The following POMK variants were observed in gnomAD, a reference collection of about 807,000 sequenced individuals.
POMK encodes Sugen kinase 196.
A neutral mutation model predicts 23.0 loss-of-function variants in POMK; 19 were observed. The observed-to-expected ratio is 0.83, with a 90% CI of 0.58 to 1.21. POMK has a LOEUF of 1.21. Ranked by LOEUF, POMK falls within the 50% of genes most tolerant of loss-of-function variation. The pLI, the probability that POMK is intolerant of heterozygous loss-of-function variation, is 0.00. For synonymous variants in POMK, 173 were observed against 171.6 expected, an observed-to-expected ratio of 1.01 and a Z score of -0.06; for missense variants, 410 against 431.3, an observed-to-expected ratio of 0.95 and a Z score of 0.44.
At chr8:43,103,433 G>A in intron 3 of POMK, 95 bp from the exon 4 acceptor site, 2 of 1,176,160 alleles carry the variant, frequency 1.7e-6, no homozygotes, top group Admixed American at 2.0e-5. Context: ...CAGCTTACAG[G>A]ACCCTTGAGT....
rs756014333 is a variant in POMK, at chr8:43,122,326, A to C, written c.502A>C (p.Lys168Gln). The change falls in exon 5 of 5, where the codon AAG becomes CAG. Residue 168 changes from lysine (K) to glutamine (Q), a missense_variant. Physicochemically the swap from Lys to Gln is moderately conservative, Grantham distance 53. Coordinates refer to ENST00000331373, the MANE Select transcript of POMK (RefSeq NM_032237.5). ...CCTGGAAGAAACACTAAACCTTTCA[A>C]AGTACCAAAATGTGAACACGTGGCA... is the stretch of plus-strand genomic sequence containing the variant. ...SNLEETLNLS[K>Q]YQNVNTWQHR... 10 of 1,614,188 alleles carry C rather than the reference A, an allele frequency of 6.2e-6. No homozygotes were observed. In the South Asian group the frequency reaches 1.1e-4, roughly 18 times the overall value.
At chr8:43,099,910 A>C (rs1342206515) in intron 2 of POMK, among the ~76,000 whole-genome samples, 2 of 152,168 alleles carry the variant, frequency 1.3e-5, no homozygotes, top group Non-Finnish European at 2.9e-5. Context: ...CAGGTGGTAC[A>C]TGTTTGGAGA....
At chr8:43,109,338 C>G (rs1811603204) in intron 4 of POMK, among the ~76,000 whole-genome samples, 1 of 152,122 alleles carries the variant, frequency 6.6e-6, no homozygotes, top group South Asian at 2.1e-4. Context: ...TCTCTCTCCC[C>G]TCCCCCTTTT....
intron 2 of POMK, among the ~76,000 whole-genome samples, chr8:43,100,662 G>A (rs1486406455): frequency 6.6e-6 from 1 of 151,982 alleles, no homozygotes; most frequent in Non-Finnish European, 1.5e-5. Context: ...GGTAGTTGGA[G>A]CCCAGTGCAT....
chr8:43,110,818 G>A (rs1475485853), intron 4 of POMK, among the ~76,000 whole-genome samples: 1 of 152,150 alleles, frequency 6.6e-6, no homozygotes, highest in Non-Finnish European at 1.5e-5. Context: ...GGAGGCTGAG[G>A]CAGGAGAATT....
intron 4 of POMK, among the ~76,000 whole-genome samples, chr8:43,112,705 T>C (rs1206313091): frequency 2.0e-5 from 3 of 152,208 alleles, no homozygotes; most frequent in African/African-American, 7.2e-5. Flanking sequence ...ATCAGACTAA[T>C]AGCGGATCTC....
At chr8:43,102,227 A>G (rs922065366) in intron 2 of POMK, among the ~76,000 whole-genome samples, 3 of 152,182 alleles carry the variant, frequency 2.0e-5, no homozygotes, top group Admixed American at 6.5e-5. Context: ...TCCAGCACCC[A>G]CTGCAGGGCT....
At chr8:43,111,845 C>A (rs1162944819) in intron 4 of POMK, among the ~76,000 whole-genome samples, 2 of 152,200 alleles carry the variant, frequency 1.3e-5, no homozygotes, top group African/African-American at 4.8e-5. Flanking sequence ...CTCCAACAAA[C>A]CTGCAGCTGA....
chr8:43,117,731 T>C (rs1251278442), intron 4 of POMK, among the ~76,000 whole-genome samples: 1 of 152,202 alleles, frequency 6.6e-6, no homozygotes, highest in Non-Finnish European at 1.5e-5. Flanking sequence ...AAGAGTAAGG[T>C]ATTTTCATCC....
At chr8:43,103,870 T>C (rs1227057168) in intron 4 of POMK, 40 bp downstream of exon 4, 2 of 1,599,776 alleles carry the variant, frequency 1.3e-6, no homozygotes, top group Middle Eastern at 1.7e-4. Context: ...CATCCTGTTA[T>C]TTCGCTTAAC....
chr8:43,114,125 C>T (rs1001297831), intron 4 of POMK, among the ~76,000 whole-genome samples: 3 of 152,232 alleles, frequency 2.0e-5, no homozygotes, highest in Non-Finnish European at 4.4e-5. Flanking sequence ...GGGAGAACCA[C>T]TGCTCTCTTC....
At chr8:43,100,880 G>A (rs1038357254) in intron 2 of POMK, among the ~76,000 whole-genome samples, 10 of 152,020 alleles carry the variant, frequency 6.6e-5, no homozygotes, top group African/African-American at 1.9e-4. Context: ...CCCTGAGCAC[G>A]AGGACACTCT....
intron 3 of POMK, 88 bp from the exon 4 acceptor site, chr8:43,103,440 G>C (rs1386282560): frequency 5.5e-6 from 7 of 1,263,394 alleles, no homozygotes; most frequent in Admixed American, 1.9e-5. Flanking sequence ...CAGGACCCTT[G>C]AGTAGAAGAG....
At chr8:43,105,645 C>T (rs1182379982) in intron 4 of POMK, among the ~76,000 whole-genome samples, 1 of 152,068 alleles carries the variant, frequency 6.6e-6, no homozygotes, top group Non-Finnish European at 1.5e-5. Flanking sequence ...CAATAAACAT[C>T]GGGATGCACA....
At position 43,093,544 on chromosome 8, in the gene POMK, C is replaced by T. The variant is rs949295374; in HGVS notation, c.-229C>T. 1.3e-5 allele frequency: 2 copies of T among 152,506 alleles called. No homozygotes were observed. The highest frequency in any genetic ancestry group is 4.8e-5 in the African/African-American group (2 of 41,460). The allele number at this position is 152,506 out of a possible 1,614,324, so 9.4% of individuals were successfully genotyped here. ...CGTGCTGGCCCGGGGTGGCAGGAGC[C>T]GCAGAGGCTTGGGCTGCAGGTAGGT... On this transcript the variant is annotated 5_prime_UTR_variant, in exon 1 of 5. Transcript: ENST00000331373.
intron 4 of POMK, among the ~76,000 whole-genome samples, chr8:43,121,706 T>C (rs1811919495): frequency 6.6e-6 from 1 of 152,212 alleles, no homozygotes; most frequent in South Asian, 2.1e-4. Context: ...ACTGGCAGTC[T>C]ACTTGCCACT....
chr8:43,115,904 T>C (rs1470627022), intron 4 of POMK, among the ~76,000 whole-genome samples: 3 of 152,242 alleles, frequency 2.0e-5, no homozygotes, highest in African/African-American at 7.2e-5. Flanking sequence ...CATGCTGTTC[T>C]GGAAGCCTGT....
intron 4 of POMK, among the ~76,000 whole-genome samples, chr8:43,114,416 C>G (rs529462212): frequency 2.6e-5 from 4 of 152,272 alleles, no homozygotes; most frequent in East Asian, 1.9e-4. Flanking sequence ...CTCCGAGCCA[C>G]GTGCGGGATA....
intron 1 of POMK, among the ~76,000 whole-genome samples, chr8:43,094,376 C>CCAAAA (rs1225489535): frequency 6.6e-6 from 1 of 152,140 alleles, no homozygotes; most frequent in Non-Finnish European, 1.5e-5. Context: ...CCAAACCAAA[C>CCAAAA]CAAAACAAAA....
Sources: gnomAD v4.1 joint callset for allele counts (sites outside exome capture counted in the v4.1 genomes callset) on GRCh38, gnomAD v4.1.1 for gene constraint, MANE v1.5 for transcripts, NCBI Gene and HGNC (gene_info 2026-07-23, HGNC 2026-07-21) for gene names.